Variants in ST6GALNAC5 observed in about 807,000 individuals in gnomAD.
The protein encoded by ST6GALNAC5 is ST6 N-acetylgalactosaminide alpha-2,6-sialyltransferase 5.
ST6GALNAC5 carries 27 observed loss-of-function variants against 33.6 expected under a neutral mutation model. That is an observed-to-expected ratio of 0.80 (90% CI 0.59 to 1.11). The LOEUF is 1.11. Among genes scored for constraint, ST6GALNAC5 ranks in the 50% least tolerant of loss-of-function variants. The pLI is 0.00. For synonymous variants in ST6GALNAC5, 194 were observed against 171.2 expected, an observed-to-expected ratio of 1.13 and a Z score of -1.04; for missense variants, 428 against 454.0, an observed-to-expected ratio of 0.94 and a Z score of 0.52.
rs549819187 is a variant in ST6GALNAC5 at position 76,938,368 on chromosome 1, TG to T, written c.261+69627del. ...GGAGACATGCTGAAAGAGTTTTCTT[TG>T]TATGGCAAGGAACACTTAAACGTAT... On this transcript the variant is annotated intron_variant, in intron 2 of 4. Transcript: ENST00000477717. Among the ~76,000 whole-genome samples the T allele has an allele frequency of 2.3e-4, 35 of 152,172 alleles. No homozygotes were observed. The South Asian group carries it at 7.0e-3, about 31-fold the overall frequency.
At chr1:76,990,594 C>T (rs973583275) in intron 2 of ST6GALNAC5, among the ~76,000 whole-genome samples, 1 of 152,152 alleles carries the variant, frequency 6.6e-6, no homozygotes. Flanking sequence ...AGAAGGCAGC[C>T]TGTGCCTTCT....
At position 76,917,200 on chromosome 1, in the gene ST6GALNAC5, A is replaced by G. The variant is rs74092223; in HGVS notation, c.261+48458A>G. ...CTTTATTATTGCTCTTTGCATGTAC[A>G]TTAAAACAAATATTTTATTTTGACT... On this transcript the variant is annotated intron_variant, in intron 2 of 4. Coordinates refer to ENST00000477717, the MANE Select transcript of ST6GALNAC5 (RefSeq NM_030965.3). 3.8e-3 allele frequency among the ~76,000 whole-genome samples: 577 copies of G among 152,300 alleles called. 5 individuals carry two copies. The highest frequency in any genetic ancestry group is 0.013 in the African/African-American group (553 of 41,586).
At chr1:76,894,536 G>A (rs1000113659) in intron 2 of ST6GALNAC5, among the ~76,000 whole-genome samples, 45 of 152,200 alleles carry the variant, frequency 3.0e-4, no homozygotes, top group African/African-American at 1.1e-3. Flanking sequence ...GGCCTTCCCT[G>A]AGGACTTGAT....
At chr1:77,024,700 A>G (rs1210174240) in intron 2 of ST6GALNAC5, among the ~76,000 whole-genome samples, 3 of 152,190 alleles carry the variant, frequency 2.0e-5, no homozygotes, top group Non-Finnish European at 4.4e-5. Context: ...CCTGCAGAGA[A>G]CAAAGGGGCA....
intron 2 of ST6GALNAC5, among the ~76,000 whole-genome samples, chr1:76,874,104 C>A (rs539986611): frequency 1.6e-4 from 25 of 152,284 alleles, no homozygotes; most frequent in Middle Eastern, 3.4e-3. Flanking sequence ...AAGTTAAATT[C>A]TATTATTACC....
At position 77,065,742 on chromosome 1, in the gene ST6GALNAC5, G is replaced by A. The variant is rs753992735; in HGVS notation, c.*2536G>A. 1.4e-4 allele frequency: 21 copies of A among 152,076 alleles called. No individual in the cohort carries two copies. The highest frequency in any genetic ancestry group is 8.5e-4 in the Admixed American group (13 of 15,264). 9.4% of individuals were successfully genotyped at this position (152,076 alleles called of 1,614,324 possible). ...CTACAGAACCATGTTTATAGACCTC[G>A]GTGATTTCAGTATCTGATTGTGTTT... On this transcript the variant is annotated 3_prime_UTR_variant, in exon 5 of 5. Transcript: ENST00000477717.
chr1:76,903,454 T>C, intron 2 of ST6GALNAC5, among the ~76,000 whole-genome samples: 1 of 152,202 alleles, frequency 6.6e-6, no homozygotes, highest in East Asian at 1.9e-4. Context: ...AATGATGCTG[T>C]CACTTTGGAA....
intron 2 of ST6GALNAC5, among the ~76,000 whole-genome samples, chr1:76,897,141 C>T (rs1052293036): frequency 4.0e-5 from 6 of 151,678 alleles, no homozygotes; most frequent in South Asian, 4.2e-4. Context: ...TGAAGCTTTG[C>T]GGCAGTACAG....
chr1:76,998,251 G>A (rs1319239935), intron 2 of ST6GALNAC5, among the ~76,000 whole-genome samples: 2 of 152,018 alleles, frequency 1.3e-5, no homozygotes, highest in Non-Finnish European at 2.9e-5. Flanking sequence ...TAAAAAATTA[G>A]CCAGACATGA....
At chr1:76,932,444 G>C (rs1647153492) in intron 2 of ST6GALNAC5, among the ~76,000 whole-genome samples, 1 of 152,042 alleles carries the variant, frequency 6.6e-6, no homozygotes, top group Non-Finnish European at 1.5e-5. Context: ...TTTGCTGAGA[G>C]TAACTAGGGT....
intron 2 of ST6GALNAC5, among the ~76,000 whole-genome samples, chr1:76,979,931 G>C (rs1006688060): frequency 5.9e-5 from 9 of 152,078 alleles, no homozygotes; most frequent in African/African-American, 1.9e-4. Flanking sequence ...GATAGAGTGA[G>C]ACTCTGTCTC....
intron 2 of ST6GALNAC5, among the ~76,000 whole-genome samples, chr1:76,980,789 A>C (rs79442542): frequency 1.3e-5 from 2 of 152,214 alleles, no homozygotes; most frequent in Non-Finnish European, 2.9e-5. Flanking sequence ...TGTAGGTATA[A>C]ATCTTTATGA....
chr1:76,923,075 C>A (rs1336941459), intron 2 of ST6GALNAC5, among the ~76,000 whole-genome samples: 9 of 152,032 alleles, frequency 5.9e-5, no homozygotes, highest in African/African-American at 2.2e-4. Context: ...CTTGAGGGAT[C>A]CTTATGGCAA....
chr1:77,057,945 T>C (rs926840424), intron 4 of ST6GALNAC5, among the ~76,000 whole-genome samples: 2 of 152,148 alleles, frequency 1.3e-5, no homozygotes, highest in Non-Finnish European at 2.9e-5. Flanking sequence ...TGGGCAGAAT[T>C]GCACATGAGC....
At chr1:76,983,728 G>T (rs151002362) in intron 2 of ST6GALNAC5, among the ~76,000 whole-genome samples, 2,017 of 152,186 alleles carry the variant, frequency 0.013, 47 homozygotes, top group African/African-American at 0.046. Context: ...GCACCACGTC[G>T]CACTTATTCC....
intron 2 of ST6GALNAC5, among the ~76,000 whole-genome samples, chr1:76,973,763 G>A (rs1648863905): frequency 6.6e-6 from 1 of 152,088 alleles, no homozygotes; most frequent in African/African-American, 2.4e-5. Flanking sequence ...CTCATGAAAT[G>A]TTTCTTGTGT....
chr1:76,948,391 C>T (rs1003735447), intron 2 of ST6GALNAC5, among the ~76,000 whole-genome samples: 2 of 152,134 alleles, frequency 1.3e-5, no homozygotes, highest in Non-Finnish European at 2.9e-5. Context: ...CAGGGCTGTG[C>T]TGTGGGCCCT....
chr1:76,944,333 C>T (rs1354387016), intron 2 of ST6GALNAC5, among the ~76,000 whole-genome samples: 1 of 152,022 alleles, frequency 6.6e-6, no homozygotes, highest in Non-Finnish European at 1.5e-5. Flanking sequence ...ATGTGATATT[C>T]ATTATGATAC....
chr1:76,949,394 G>A (rs1647655534), intron 2 of ST6GALNAC5, among the ~76,000 whole-genome samples: 1 of 152,118 alleles, frequency 6.6e-6, no homozygotes, highest in African/African-American at 2.4e-5. Flanking sequence ...TGCTGGCAGT[G>A]GCACTGGCCC....
Sources: gnomAD v4.1 joint callset for allele counts (sites outside exome capture counted in the v4.1 genomes callset) on GRCh38, gnomAD v4.1.1 for gene constraint, MANE v1.5 for transcripts, NCBI Gene and HGNC (gene_info 2026-07-23, HGNC 2026-07-21) for gene names.